The following DPP6 variants were observed in gnomAD, a reference collection of about 807,000 sequenced individuals.
DPP6 encodes dipeptidyl peptidase like 6, also known as A-type potassium channel modulatory protein DPP6.
A neutral mutation model predicts 122.6 loss-of-function variants in DPP6; 69 were observed. The observed-to-expected ratio is 0.56, with a 90% CI of 0.46 to 0.69. The LOEUF (loss-of-function observed/expected upper bound fraction) is 0.69. Among genes scored for constraint, DPP6 ranks in the 30% least tolerant of loss-of-function variants. The pLI, the probability that DPP6 is intolerant of heterozygous loss-of-function variation, is 0.00. For synonymous variants in DPP6, 418 were observed against 433.1 expected (o/e 0.97, Z 0.43); for missense variants, 928 against 1,116.9 (o/e 0.83, Z 2.41).
At chr7:153,826,697 C>T in the DPP6 span, among the ~76,000 whole-genome samples, 83 of 152,236 alleles carry the variant, frequency 5.5e-4, no homozygotes, top group African/African-American at 1.9e-3. Context: ...TTCTGTGTCT[C>T]TGTGTTGCAT....
chr7:154,833,443 C>T lies in DPP6; in HGVS notation c.1667-20337C>T, dbSNP rs1198390937. ...AAGAAGTGACTTCTGTGTGCCTTGG[C>T]TGCCTCATCTACAAATTTGGGATAG... is the stretch of plus-strand genomic sequence containing the variant. On this transcript the variant is annotated intron_variant, in intron 16 of 25. Coordinates refer to ENST00000377770, the MANE Select transcript of DPP6 (RefSeq NM_130797.4). This position sits in a 1 kb window ranked among gnomAD's most constrained non-coding sequence, Gnocchi z 4.3. Among the ~76,000 whole-genome samples the T allele has an allele frequency of 6.6e-6, 1 of 152,228 alleles. No homozygotes were observed. Among genetic ancestry groups the T allele is most frequent in the Non-Finnish European group, 1.5e-5 (1 of 68,044 alleles).
chr7:154,781,383 C>G (rs1797020992), intron 10 of DPP6, among the ~76,000 whole-genome samples: 1 of 152,210 alleles, frequency 6.6e-6, no homozygotes, highest in Non-Finnish European at 1.5e-5. Flanking sequence ...CCCCCTCTCA[C>G]TTCGTTCTCC....
chr7:153,869,657 G>A, the DPP6 span, among the ~76,000 whole-genome samples: 1 of 152,106 alleles, frequency 6.6e-6, no homozygotes. Flanking sequence ...TACATTTAAG[G>A]TTAATATTGT....
At chr7:153,798,096 C>A in the DPP6 span, among the ~76,000 whole-genome samples, 1 of 152,138 alleles carries the variant, frequency 6.6e-6, no homozygotes, top group Non-Finnish European at 1.5e-5. Context: ...CCCGCCTCGG[C>A]CTCCCAAAGT....
At position 154,459,593 on chromosome 7, in the gene DPP6, G is replaced by A. The variant is rs192477280; in HGVS notation, c.358+13265G>A. Among the ~76,000 whole-genome samples, 684 of 151,922 alleles carry A rather than the reference G, an allele frequency of 4.5e-3. 7 individuals carry two copies. Among genetic ancestry groups the A allele is most frequent in the African/African-American group, 0.016 (650 of 41,446 alleles). ...TCCTGTAATCTCAGCACTTTGGGAG[G>A]CCGAGGCAGGCAGATCACCTGAGGT... On this transcript the variant is annotated intron_variant, in intron 2 of 25. Coordinates refer to ENST00000377770, the MANE Select transcript of DPP6 (RefSeq NM_130797.4).
intron 1 of DPP6, among the ~76,000 whole-genome samples, chr7:154,129,949 G>C (rs371189041): frequency 6.6e-6 from 1 of 151,450 alleles, no homozygotes; most frequent in Non-Finnish European, 1.5e-5. Context: ...GGTGACACAC[G>C]CCTGTAATCC....
In DPP6 at chr7:154,170,803, G is replaced by A. The variant is rs532797717; in HGVS notation, c.243+117740G>A. ...CTTCTAGACTAGCCTCTGTGGACTA[G>A]TTCATCCTCCATAAGGTTGATATTT... On this transcript the variant is annotated intron_variant, in intron 1 of 25. Coordinates refer to ENST00000377770, the MANE Select transcript of DPP6 (RefSeq NM_130797.4). Among the ~76,000 whole-genome samples the A allele has an allele frequency of 2.4e-4, 37 of 152,292 alleles. No individual in the cohort carries two copies. The South Asian group carries it at 2.9e-3, about 12-fold the overall frequency.
intron 1 of DPP6, among the ~76,000 whole-genome samples, chr7:154,255,161 G>C (rs747266283): frequency 1.3e-5 from 2 of 152,134 alleles, no homozygotes; most frequent in Non-Finnish European, 2.9e-5. Flanking sequence ...TACAGGGTCC[G>C]TCCGAGGGGT....
intron 1 of DPP6, among the ~76,000 whole-genome samples, chr7:154,079,623 C>G (rs367878807): frequency 1.3e-5 from 2 of 151,988 alleles, no homozygotes; most frequent in South Asian, 2.1e-4. Flanking sequence ...GACTGGTGGG[C>G]CAGGGTTGGG....
At chr7:154,776,402 A>T (rs995651874) in intron 10 of DPP6, among the ~76,000 whole-genome samples, 1 of 152,096 alleles carries the variant, frequency 6.6e-6, no homozygotes, top group East Asian at 1.9e-4. Flanking sequence ...CTGATCAAAT[A>T]TATGGTTCCC....
intron 1 of DPP6, among the ~76,000 whole-genome samples, chr7:154,225,148 A>G (rs1016355853): frequency 4.6e-5 from 7 of 152,148 alleles, no homozygotes; most frequent in Admixed American, 1.3e-4. Flanking sequence ...TCTCAAAATA[A>G]ATAAATAAGT....
At chr7:154,885,212 C>T (rs527920421) in intron 21 of DPP6, 2 of 184,242 alleles carry the variant, frequency 1.1e-5, no homozygotes, top group East Asian at 1.5e-4. Context: ...CAGACCAGGA[C>T]TTGCGCCCTA....
chr7:153,838,059 A>C, the DPP6 span, among the ~76,000 whole-genome samples: 1 of 152,040 alleles, frequency 6.6e-6, no homozygotes, highest in East Asian at 1.9e-4. Flanking sequence ...CAGAAAAGAA[A>C]GGCAAGTACA....
the DPP6 span, among the ~76,000 whole-genome samples, chr7:153,859,947 C>G: frequency 6.6e-6 from 1 of 152,182 alleles, no homozygotes; most frequent in African/African-American, 2.4e-5. Flanking sequence ...GCCCTTGACA[C>G]AGGGGGATAA....
At chr7:154,745,579 G>T (rs1587004842) in intron 8 of DPP6, among the ~76,000 whole-genome samples, 1 of 152,342 alleles carries the variant, frequency 6.6e-6, no homozygotes, top group Non-Finnish European at 1.5e-5. Flanking sequence ...TTTATAAAAA[G>T]AAGAGTTTAT....
intron 16 of DPP6, among the ~76,000 whole-genome samples, chr7:154,832,385 C>A (rs1418953449): frequency 6.6e-6 from 1 of 152,176 alleles, no homozygotes; most frequent in African/African-American, 2.4e-5. Flanking sequence ...GAAGAGGCAT[C>A]GTGCTAGACC....
chr7:154,553,917 A>C lies in DPP6; in HGVS notation c.553-12925A>C, dbSNP rs1269090629. Among the ~76,000 whole-genome samples the C allele has an allele frequency of 2.0e-5, 3 of 151,926 alleles. No homozygotes were observed. The East Asian group carries it at 5.8e-4, about 29-fold the overall frequency. On this transcript the variant is annotated intron_variant, in intron 4 of 25. Coordinates refer to ENST00000377770, the MANE Select transcript of DPP6 (RefSeq NM_130797.4). ...AGCCTAATGCCAAAAAAAAAAAAAA[A>C]AAAAAAAGTGCTGACACAGCTGAGT...
chr7:154,074,127 C>G (rs1406096524), intron 1 of DPP6, among the ~76,000 whole-genome samples: 2 of 143,290 alleles, frequency 1.4e-5, no homozygotes, highest in African/African-American at 5.2e-5. Context: ...ATATAGATAT[C>G]TATATATATC....
chr7:154,253,154 C>T (rs980280400), intron 1 of DPP6, among the ~76,000 whole-genome samples: 1 of 152,202 alleles, frequency 6.6e-6, no homozygotes, highest in Non-Finnish European at 1.5e-5. Context: ...GAACCATTCT[C>T]TGCCAAGAAA....
Sources: gnomAD v4.1 joint callset for allele counts (sites outside exome capture counted in the v4.1 genomes callset) on GRCh38, gnomAD v4.1.1 for gene constraint, Gnocchi (gnomAD v3.1) non-coding constraint, MANE v1.5 for transcripts, NCBI Gene and HGNC (gene_info 2026-07-23, HGNC 2026-07-21) for gene names.